Variants in GOLGA1 observed in about 807,000 individuals in gnomAD.
GOLGA1 encodes golgin subfamily A member 1.
GOLGA1 carries 63 observed loss-of-function variants against 119.7 expected under a neutral mutation model. That is an observed-to-expected ratio of 0.53 (90% CI 0.43 to 0.65). The LOEUF (loss-of-function observed/expected upper bound fraction) is 0.65. Among genes scored for constraint, GOLGA1 ranks in the 30% least tolerant of loss-of-function variants. GOLGA1 has a pLI of 0.00. For missense variants in GOLGA1, 798 were observed against 912.8 expected (o/e 0.87, Z 1.62); for synonymous variants, 318 against 333.4 (o/e 0.95, Z 0.50).
intron 1 of GOLGA1, chr9:124,947,259 A>C (rs1831160348): frequency 1.3e-5 from 2 of 152,212 alleles, no homozygotes; most frequent in Admixed American, 1.3e-4. Context: ...TTAAATATGG[A>C]TCAAGAAAAT....
At chr9:124,883,732 G>A (rs1829646197) in intron 19 of GOLGA1, among the ~76,000 whole-genome samples, 1 of 151,990 alleles carries the variant, frequency 6.6e-6, no homozygotes, top group Non-Finnish European at 1.5e-5. Context: ...ACAGGCATGA[G>A]CCACCGCACC....
intron 3 of GOLGA1, among the ~76,000 whole-genome samples, chr9:124,938,273 G>C (rs977128938): frequency 2.6e-5 from 4 of 152,026 alleles, no homozygotes; most frequent in African/African-American, 9.7e-5. Flanking sequence ...AACAGGCCCA[G>C]ACATTTTCAG....
intron 1 of GOLGA1, chr9:124,947,160 C>T (rs1037528404): frequency 2.6e-5 from 4 of 152,074 alleles, no homozygotes; most frequent in Non-Finnish European, 5.9e-5. Flanking sequence ...GGACATTTTC[C>T]TATGTTTTTA....
chr9:124,936,889 A>G (rs1830880907), intron 3 of GOLGA1, among the ~76,000 whole-genome samples: 1 of 152,252 alleles, frequency 6.6e-6, no homozygotes, highest in South Asian at 2.1e-4. Flanking sequence ...CTTCAAAAAC[A>G]AGCAGTATTA....
At chr9:124,915,386 A>T (rs1024386410) in intron 10 of GOLGA1, among the ~76,000 whole-genome samples, 2 of 152,196 alleles carry the variant, frequency 1.3e-5, no homozygotes, top group Non-Finnish European at 2.9e-5. Context: ...TTCTTGTTAA[A>T]TATTCACTAA....
At chr9:124,930,190 G>A (rs1048568401) in intron 4 of GOLGA1, among the ~76,000 whole-genome samples, 4 of 152,222 alleles carry the variant, frequency 2.6e-5, no homozygotes, top group Admixed American at 6.5e-5. Context: ...CTTCTCTAAC[G>A]TAAGTCAAGC....
chr9:124,905,767 C>T (rs1408682306), intron 12 of GOLGA1, among the ~76,000 whole-genome samples: 1 of 151,990 alleles, frequency 6.6e-6, no homozygotes, highest in Non-Finnish European at 1.5e-5. Context: ...GGTGTGATAT[C>T]CAAGATCAAC....
intron 16 of GOLGA1, 74 bp downstream of exon 16, chr9:124,890,301 GCCCTCTCCAACAGT>G (rs1829825475): frequency 1.1e-6 from 1 of 891,074 alleles, no homozygotes; most frequent in Non-Finnish European, 1.9e-6. Context: ...GGAGAGACAG[GCCCTCTCCAACAGT>G]CTCACGGCAG....
At position 124,881,462 on chromosome 9, in the gene GOLGA1, C is replaced by G. The variant is rs1461280892; in HGVS notation, c.2137-205G>C. On this transcript the variant is annotated intron_variant, in intron 21 of 22. Coordinates refer to ENST00000373555, the MANE Select transcript of GOLGA1 (RefSeq NM_002077.4). The surrounding 1 kb of genome is among the most constrained non-coding windows in gnomAD (Gnocchi z 4.9). The stretch of plus-strand genomic sequence containing the variant: ...GCCTGGCAGGCTTAAGGGAACTGCC[C>G]CAGCAGCTACCCTACCCTTTGGCAG... 6.6e-6 allele frequency among the ~76,000 whole-genome samples: 1 copy of G among 152,158 alleles called. No homozygotes were observed. Among genetic ancestry groups the G allele is most frequent in the Non-Finnish European group, 1.5e-5 (1 of 68,034 alleles).
intron 13 of GOLGA1, chr9:124,900,023 T>C (rs758499064): frequency 3.3e-5 from 6 of 184,132 alleles, no homozygotes; most frequent in Non-Finnish European, 6.8e-5. Context: ...GCCTGGGACA[T>C]GGCGAATATG....
intron 1 of GOLGA1, 147 bp downstream of exon 1, chr9:124,940,824 C>T: frequency 6.5e-6 from 1 of 152,860 alleles, no homozygotes; most frequent in Non-Finnish European, 1.5e-5. Context: ...CAGCCCGCCT[C>T]CGCCCCCACT....
chr9:124,946,160 A>G lies in GOLGA1; in HGVS notation c.-156+1758T>C, dbSNP rs1431287963. 2 of 152,216 alleles carry G rather than the reference A, an allele frequency of 1.3e-5. No homozygotes were observed. The highest frequency in any genetic ancestry group is 1.3e-4 in the Admixed American group (2 of 15,272). 9.4% of individuals were successfully genotyped at this position (152,216 alleles called of 1,614,324 possible). On this transcript the variant is annotated intron_variant, in intron 1 of 4. Coordinates refer to the GOLGA1 transcript ENST00000421514. This position sits in a 1 kb window ranked among gnomAD's most constrained non-coding sequence, Gnocchi z 4.0. Reference sequence around the variant, plus strand: ...TTTTAAATGGTATAATATCTGCTCTACTACTCTCCAGTGCAAAAACAATGA... The same window carrying G: ...TTTTAAATGGTATAATATCTGCTCTGCTACTCTCCAGTGCAAAAACAATGA...
Position 124,938,688 on chromosome 9 carries a change from T to A in GOLGA1, c.24A>T (p.Lys8Asn). 1 of 1,613,658 alleles carries A rather than the reference T, an allele frequency of 6.2e-7. No individual in the cohort carries two copies. The highest frequency in any genetic ancestry group is 8.5e-7 in the Non-Finnish European group (1 of 1,179,772). Residue 8 changes from lysine to asparagine, a missense_variant, in exon 3 of 23, where the codon AAA becomes AAT. Transcript: ENST00000373555. ...GAGCAACAGCAGTCTCTTCTGCAAT[T>A]TTCTTCTTCAGTTTTGCAAACATGT... MFAKLKK[K>N]IAEETAVAQR...
chr9:124,937,080 GATTT>G (rs542117691), intron 3 of GOLGA1, among the ~76,000 whole-genome samples: 31 of 152,236 alleles, frequency 2.0e-4, no homozygotes, highest in African/African-American at 6.7e-4. Context: ...ATGAGTGATA[GATTT>G]ACTTTATGCT....
intron 9 of GOLGA1, 78 bp from the exon 10 acceptor site, chr9:124,921,318 A>C: frequency 1.2e-6 from 1 of 863,282 alleles, no homozygotes. Context: ...AAAAATACAA[A>C]TGGTTTCTTC....
chr9:124,926,642 A>G (rs1830678295), intron 7 of GOLGA1, 67 bp downstream of exon 7: 1 of 971,314 alleles, frequency 1.0e-6, no homozygotes, highest in Admixed American at 1.7e-5. Context: ...TGGTTACCGG[A>G]TAAAACGTTT....
chr9:124,918,360 A>T (rs988200438), intron 10 of GOLGA1, among the ~76,000 whole-genome samples: 15 of 152,226 alleles, frequency 9.9e-5, no homozygotes, highest in African/African-American at 3.4e-4. Flanking sequence ...AGTAAAGCTC[A>T]ACTAATATTT....
intron 15 of GOLGA1, among the ~76,000 whole-genome samples, chr9:124,896,061 C>G (rs1239358606): frequency 6.6e-6 from 1 of 152,252 alleles, no homozygotes; most frequent in Non-Finnish European, 1.5e-5. Context: ...CTGAGTTATA[C>G]AAACCAAACC....
intron 18 of GOLGA1, 62 bp downstream of exon 18, chr9:124,889,081 G>T: frequency 1.5e-6 from 2 of 1,347,376 alleles, no homozygotes; most frequent in Non-Finnish European, 1.0e-6. Context: ...CTCCTTAGGG[G>T]CACTCTCGGC....
Sources: gnomAD v4.1 joint callset for allele counts (sites outside exome capture counted in the v4.1 genomes callset) on GRCh38, gnomAD v4.1.1 for gene constraint, Gnocchi (gnomAD v3.1) non-coding constraint, MANE v1.5 for transcripts, NCBI Gene and HGNC (gene_info 2026-07-23, HGNC 2026-07-21) for gene names.